The following SORCS3 variants were observed in gnomAD, a reference collection of about 807,000 sequenced individuals.
SORCS3 encodes VPS10 domain-containing receptor SorCS3.
SORCS3 carries 57 observed loss-of-function variants against 146.3 expected under a neutral mutation model. The observed-to-expected ratio is 0.39, with a 90% confidence interval of 0.31 to 0.49. SORCS3 has a LOEUF of 0.49. SORCS3 is among the 20% of genes least tolerant of loss of function. The pLI is 0.92. For synonymous variants in SORCS3, 653 were observed against 618.5 expected, an observed-to-expected ratio of 1.06 and a Z score of -0.83; for missense variants, 1,341 against 1,575.5, an observed-to-expected ratio of 0.85 and a Z score of 2.52.
intron 4 of SORCS3, among the ~76,000 whole-genome samples, chr10:105,037,125 T>C (rs1370597464): frequency 6.6e-6 from 1 of 152,302 alleles, no homozygotes; most frequent in Non-Finnish European, 1.5e-5. Context: ...TCTTAGAAAG[T>C]ATCCTGGGGG....
At chr10:104,777,893 G>C (rs542414136) in intron 1 of SORCS3, among the ~76,000 whole-genome samples, 23 of 152,186 alleles carry the variant, frequency 1.5e-4, no homozygotes, top group African/African-American at 5.3e-4. Flanking sequence ...TGTTAAAAAA[G>C]TATCAATTTT....
In SORCS3 at chr10:105,147,790, G is replaced by C; in HGVS notation, c.1476G>C (p.Leu492Phe). ...TAATGGGGAACATCATTATTGAATT[G>C]TATGAGGTATGTAGCCAAAATTCTC... ...RGLMGNIIIE[L>F]YEVAGIKGIF... The change falls in exon 9 of 27, where the codon TTG becomes TTC. Residue 492 changes from leucine (L) to phenylalanine (F), a missense_variant. By Grantham distance (22) the Leu-to-Phe change is conservative. Transcript: ENST00000369701. 1 of 1,609,928 alleles carries C rather than the reference G, an allele frequency of 6.2e-7. No homozygotes were observed. Among genetic ancestry groups the C allele is most frequent in the Non-Finnish European group, 8.5e-7 (1 of 1,177,698 alleles).
chr10:105,256,691 C>T, intron 24 of SORCS3, 128 bp from the exon 25 acceptor site: 1 of 669,372 alleles, frequency 1.5e-6, no homozygotes. Flanking sequence ...AGATATCAGG[C>T]AGGGGAATTG....
At chr10:104,809,608 T>G (rs954875288) in intron 1 of SORCS3, among the ~76,000 whole-genome samples, 27 of 152,118 alleles carry the variant, frequency 1.8e-4, no homozygotes, top group African/African-American at 5.5e-4. Context: ...AGGAAATGAG[T>G]GTGGTTGCAG....
chr10:105,144,668 C>G (rs894990745), intron 8 of SORCS3, among the ~76,000 whole-genome samples: 1 of 152,028 alleles, frequency 6.6e-6, no homozygotes, highest in Non-Finnish European at 1.5e-5. Flanking sequence ...AGTAAAGTCC[C>G]AGTCTAAATT....
chr10:105,163,710 A>G (rs1259405105), intron 11 of SORCS3, among the ~76,000 whole-genome samples: 1 of 152,144 alleles, frequency 6.6e-6, no homozygotes, highest in East Asian at 1.9e-4. Context: ...AAGCCAGGTG[A>G]CTTGTTTTGC....
chr10:104,892,986 G>T (rs1423983402), intron 2 of SORCS3, among the ~76,000 whole-genome samples: 3 of 151,996 alleles, frequency 2.0e-5, no homozygotes, highest in Non-Finnish European at 4.4e-5. Context: ...TTAACTCTTT[G>T]CATGACTCAA....
At chr10:105,229,172 G>A (rs2056752935) in intron 20 of SORCS3, among the ~76,000 whole-genome samples, 1 of 151,674 alleles carries the variant, frequency 6.6e-6, no homozygotes, top group African/African-American at 2.4e-5. Flanking sequence ...TTCATTTGGT[G>A]GGTTCTTCTG....
At chr10:104,826,040 T>G (rs2017931542) in intron 1 of SORCS3, among the ~76,000 whole-genome samples, 1 of 152,198 alleles carries the variant, frequency 6.6e-6, no homozygotes, top group Non-Finnish European at 1.5e-5. Context: ...TCTATATATC[T>G]TATCTCTCCC....
At chr10:105,004,824 C>CGG (rs1589589900) in intron 4 of SORCS3, among the ~76,000 whole-genome samples, 1 of 75,680 alleles carries the variant, frequency 1.3e-5, no homozygotes, top group South Asian at 4.1e-4. Flanking sequence ...AAGTGGGGGG[C>CGG]GGGGGGAGTG....
At chr10:104,889,961 T>G (rs1021960966) in intron 2 of SORCS3, among the ~76,000 whole-genome samples, 1 of 152,224 alleles carries the variant, frequency 6.6e-6, no homozygotes, top group East Asian at 1.9e-4. Flanking sequence ...AGAAATGTAA[T>G]TTAATTGGCT....
At chr10:104,781,615 C>G (rs951747820) in intron 1 of SORCS3, among the ~76,000 whole-genome samples, 1 of 152,148 alleles carries the variant, frequency 6.6e-6, no homozygotes, top group Non-Finnish European at 1.5e-5. Flanking sequence ...AACAAAACCA[C>G]ACAGAACAAA....
At chr10:105,242,329 T>G (rs1293088558) in intron 20 of SORCS3, among the ~76,000 whole-genome samples, 3 of 130,268 alleles carry the variant, frequency 2.3e-5, no homozygotes, top group African/African-American at 8.8e-5. Context: ...TATTTATACA[T>G]ATATTTATAT....
Position 105,028,788 on chromosome 10 carries a change from G to T in SORCS3, c.955-14267G>T, listed in dbSNP as rs190446301. Among the ~76,000 whole-genome samples the T allele has an allele frequency of 1.2e-4, 19 of 152,256 alleles. No homozygotes were observed. The East Asian group carries it at 2.9e-3, about 23-fold the overall frequency. On this transcript the variant is annotated intron_variant, in intron 4 of 26. Transcript: ENST00000369701. ...TAGACATTAGTTCTTATTGTTATAT[G>T]CTTTGGGCCCCTGGTGTTAGAGGTC...
intron 7 of SORCS3, among the ~76,000 whole-genome samples, chr10:105,137,295 A>G (rs2056065273): frequency 6.6e-6 from 1 of 152,120 alleles, no homozygotes; most frequent in South Asian, 2.1e-4. Flanking sequence ...AGAGGTGGTT[A>G]TTAAGCATAT....
rs568935375 is a variant in SORCS3, at chr10:104,849,310, G to A, written c.695+6451G>A. 3.3e-5 allele frequency among the ~76,000 whole-genome samples: 5 copies of A among 151,874 alleles called. No individual in the cohort carries two copies. The South Asian group carries it at 8.4e-4, about 25-fold the overall frequency. ...GCCTGTAATCCCAGCTACTCGGGAG[G>A]CTGAGGCAGGAGAATCACTTGAACG... On this transcript the variant is annotated intron_variant, in intron 2 of 26. Transcript: ENST00000369701.
In SORCS3 at chr10:104,727,545, G is replaced by GTATA. The variant is rs34816369; in HGVS notation, c.627+85608_627+85611dup. Among the ~76,000 whole-genome samples, 1,433 of 147,914 alleles carry GTATA rather than the reference G, an allele frequency of 9.7e-3. 11 individuals carry two copies. Among genetic ancestry groups the GTATA allele is most frequent in the South Asian group, 0.045 (207 of 4,646 alleles). Reference sequence around the variant, plus strand: ...TCTTAGAAGGGATATATGTGTGTGTGTATATATATATATATATATAAGATG... The same window carrying GTATA: ...TCTTAGAAGGGATATATGTGTGTGTGTATATATATATATATATATATATAAGATG... On this transcript the variant is annotated intron_variant, in intron 1 of 26. Transcript: ENST00000369701.
At chr10:104,723,873 G>T (rs2016585111) in intron 1 of SORCS3, among the ~76,000 whole-genome samples, 1 of 152,096 alleles carries the variant, frequency 6.6e-6, no homozygotes, top group Admixed American at 6.5e-5. Context: ...GTGTGTCTCT[G>T]CACGTGAGAT....
chr10:104,887,166 A>G (rs1180374016), intron 2 of SORCS3, among the ~76,000 whole-genome samples: 3 of 152,246 alleles, frequency 2.0e-5, no homozygotes, highest in East Asian at 1.9e-4. Context: ...AACACATGGC[A>G]TAGACACTTT....
Sources: allele counts gnomAD v4.1 joint callset (sites outside exome capture counted in the v4.1 genomes callset), GRCh38; gene constraint gnomAD v4.1.1; transcripts MANE v1.5; gene names NCBI Gene and HGNC (gene_info 2026-07-23, HGNC 2026-07-21).